SLC35F3: variants seen among roughly 807,000 people sequenced by gnomAD.
The protein encoded by SLC35F3 is putative thiamine transporter SLC35F3.
A neutral mutation model predicts 49.9 loss-of-function variants in SLC35F3; 25 were observed. The ratio of observed to expected loss-of-function variants is 0.50; its 90% CI spans 0.37 to 0.70. The LOEUF (loss-of-function observed/expected upper bound fraction) is 0.70, where lower values mean the gene tolerates loss of function less well. SLC35F3 is among the 30% of genes least tolerant of loss of function. The probability of loss-of-function intolerance (pLI) is 0.00; values close to 1 mark genes in which losing one functional copy is unlikely to be tolerated. For synonymous variants in SLC35F3, 275 were observed against 265.4 expected, an observed-to-expected ratio of 1.04 and a Z score of -0.35; for missense variants, 525 against 639.8, an observed-to-expected ratio of 0.82 and a Z score of 1.94.
chr1:234,280,145 C>T (rs541739756), intron 3 of SLC35F3, among the ~76,000 whole-genome samples: 23 of 152,326 alleles, frequency 1.5e-4, no homozygotes, highest in Non-Finnish European at 3.1e-4. Context: ...TATTAACTAA[C>T]ATTTCAATGG....
intron 3 of SLC35F3, among the ~76,000 whole-genome samples, chr1:234,273,501 G>C (rs919711323): frequency 1.3e-5 from 2 of 152,204 alleles, no homozygotes; most frequent in Admixed American, 1.3e-4. Context: ...GAGGCAGCAG[G>C]AAGGCCAGAA....
At chr1:233,941,128 G>A (rs1472124637) in intron 2 of SLC35F3, among the ~76,000 whole-genome samples, 1 of 152,138 alleles carries the variant, frequency 6.6e-6, no homozygotes, top group Non-Finnish European at 1.5e-5. Context: ...ACCGTATATG[G>A]TTATAACTAA....
chr1:234,141,018 A>T (rs1665907003), intron 2 of SLC35F3, among the ~76,000 whole-genome samples: 1 of 152,196 alleles, frequency 6.6e-6, no homozygotes, highest in South Asian at 2.1e-4. Flanking sequence ...ATCATTAGGC[A>T]TTTTCCACAG....
intron 2 of SLC35F3, among the ~76,000 whole-genome samples, chr1:233,990,881 G>A (rs1663345487): frequency 6.6e-6 from 1 of 152,158 alleles, no homozygotes; most frequent in African/African-American, 2.4e-5. Context: ...TGTTGTAAAG[G>A]TATGTATGAA....
rs148048006 is a variant in SLC35F3, at chr1:234,149,368, C to T, written c.284-82049C>T. Among the ~76,000 whole-genome samples, 1,057 of 152,314 alleles carry T rather than the reference C, an allele frequency of 6.9e-3. 8 individuals are homozygous for T. The highest frequency in any genetic ancestry group is 0.011 in the Non-Finnish European group (745 of 68,024). ...TCTGGATGCGTAATCTTTCTCACAG[C>T]GCCCACATTTTTAGTTATTGTGAGT... On this transcript the variant is annotated intron_variant, in intron 2 of 7. Transcript: ENST00000366618.
At chr1:233,964,795 C>A (rs1398618168) in intron 2 of SLC35F3, among the ~76,000 whole-genome samples, 1 of 152,160 alleles carries the variant, frequency 6.6e-6, no homozygotes, top group African/African-American at 2.4e-5. Flanking sequence ...GAGGGCTGTG[C>A]CATCCTGGGT....
chr1:234,050,518 T>A (rs1349296111), intron 2 of SLC35F3, among the ~76,000 whole-genome samples: 1 of 152,190 alleles, frequency 6.6e-6, no homozygotes, highest in African/African-American at 2.4e-5. Flanking sequence ...GTTTAAGTTC[T>A]TTGTAGATTC....
intron 3 of SLC35F3, among the ~76,000 whole-genome samples, chr1:234,254,239 C>T (rs1667783356): frequency 6.6e-6 from 1 of 152,122 alleles, no homozygotes; most frequent in Admixed American, 6.5e-5. Context: ...CTTTCTATAT[C>T]CTTAGTAGTG....
Position 234,118,436 on chromosome 1 carries a change from T to C in SLC35F3, c.284-112981T>C, listed in dbSNP as rs145586105. On this transcript the variant is annotated intron_variant, in intron 2 of 7. Coordinates refer to ENST00000366618, the MANE Select transcript of SLC35F3 (RefSeq NM_173508.4). ...AATTCAGGGGTCAGCAAACTTTGGC[T>C]GGAAGTTCAACTTTGCCCCAAGGCC... 1.0e-2 allele frequency among the ~76,000 whole-genome samples: 1,523 copies of C among 152,310 alleles called. 6 individuals carry two copies. The highest frequency in any genetic ancestry group is 0.025 in the South Asian group (120 of 4,828).
At chr1:234,256,056 T>G (rs1175031380) in intron 3 of SLC35F3, among the ~76,000 whole-genome samples, 4 of 152,150 alleles carry the variant, frequency 2.6e-5, no homozygotes, top group African/African-American at 7.2e-5. Flanking sequence ...GAGAACTCCC[T>G]CTAGTTTCTG....
intron 2 of SLC35F3, among the ~76,000 whole-genome samples, chr1:234,009,957 T>A (rs1663690408): frequency 6.6e-6 from 1 of 152,226 alleles, no homozygotes; most frequent in Non-Finnish European, 1.5e-5. Context: ...AGGCCTGCCT[T>A]ACAAGAATTG....
At chr1:234,201,307 A>C (rs934265668) in intron 2 of SLC35F3, among the ~76,000 whole-genome samples, 3 of 152,240 alleles carry the variant, frequency 2.0e-5, no homozygotes, top group Non-Finnish European at 4.4e-5. Flanking sequence ...TTGCAGTGAA[A>C]GTGATTTTTG....
chr1:234,140,957 G>A (rs570258512), intron 2 of SLC35F3, among the ~76,000 whole-genome samples: 8 of 152,290 alleles, frequency 5.3e-5, no homozygotes, highest in Admixed American at 4.6e-4. Context: ...ATTTCAAAGA[G>A]AGAAGAATGA....
At chr1:233,986,366 T>G (rs560870861) in intron 2 of SLC35F3, among the ~76,000 whole-genome samples, 2 of 152,336 alleles carry the variant, frequency 1.3e-5, no homozygotes, top group South Asian at 4.1e-4. Context: ...TTTTTCTGCT[T>G]TCATAAATGT....
intron 2 of SLC35F3, among the ~76,000 whole-genome samples, chr1:234,145,384 CT>C (rs991521095): frequency 3.3e-5 from 5 of 152,058 alleles, no homozygotes; most frequent in Non-Finnish European, 5.9e-5. Flanking sequence ...ATATCTGCTT[CT>C]TTTTTTCTGC....
intron 2 of SLC35F3, among the ~76,000 whole-genome samples, chr1:233,924,480 C>T (rs147449658): frequency 0.11 from 16,845 of 152,114 alleles, 1,000 homozygotes; most frequent in East Asian, 0.14. Flanking sequence ...TCTGTGGGAT[C>T]GGTGGTGATA....
intron 2 of SLC35F3, among the ~76,000 whole-genome samples, chr1:234,156,303 A>T (rs1183750064): frequency 6.6e-6 from 1 of 152,220 alleles, no homozygotes; most frequent in Non-Finnish European, 1.5e-5. Context: ...GCAATTACAA[A>T]TTGGTACGAC....
At chr1:233,988,374 A>T (rs942768300) in intron 2 of SLC35F3, among the ~76,000 whole-genome samples, 1 of 152,194 alleles carries the variant, frequency 6.6e-6, no homozygotes, top group African/African-American at 2.4e-5. Context: ...CCCTACTTTC[A>T]GTTGAGCCAA....
At chr1:234,119,996 G>C (rs1231048686) in intron 2 of SLC35F3, among the ~76,000 whole-genome samples, 1 of 152,182 alleles carries the variant, frequency 6.6e-6, no homozygotes. Context: ...TGGCTTCATG[G>C]CACCTTCCAC....
Sources: gnomAD v4.1 joint callset for allele counts (sites outside exome capture counted in the v4.1 genomes callset) on GRCh38, gnomAD v4.1.1 for gene constraint, MANE v1.5 for transcripts, NCBI Gene and HGNC (gene_info 2026-07-23, HGNC 2026-07-21) for gene names.